Variants in FDFT1 observed in about 807,000 individuals in gnomAD.
FDFT1 encodes the protein squalene synthase.
Under a neutral mutation model 46.8 loss-of-function variants are expected in FDFT1, and 68 were observed. The ratio of observed to expected loss-of-function variants is 1.45; its 90% CI spans 1.19 to 1.78. The LOEUF (loss-of-function observed/expected upper bound fraction) is 1.78, where lower values mean the gene tolerates loss of function less well. FDFT1 is among the 40% of genes most tolerant of loss of function. The pLI, the probability that FDFT1 is intolerant of heterozygous loss-of-function variation, is 0.00. For synonymous variants in FDFT1, 351 were observed against 185.1 expected, an observed-to-expected ratio of 1.90 and a Z score of -7.28; for missense variants, 928 against 524.4, an observed-to-expected ratio of 1.77 and a Z score of -7.52.
intron 7 of FDFT1, 22 bp downstream of exon 7, chr8:11,831,692 T>G: frequency 3.8e-6 from 6 of 1,590,900 alleles, no homozygotes; most frequent in Non-Finnish European, 5.2e-6. Context: ...TTTAACTACT[T>G]GGATAATTTG....
chr8:11,832,593 G>A (rs377158526), intron 7 of FDFT1, among the ~76,000 whole-genome samples: 2 of 119,674 alleles, frequency 1.7e-5, no homozygotes, highest in African/African-American at 2.8e-5. Context: ...GAGACCAGAA[G>A]TCTTTGTAAT....
chr8:11,829,968 C>T (rs1050066493), intron 5 of FDFT1, among the ~76,000 whole-genome samples: 1 of 152,076 alleles, frequency 6.6e-6, no homozygotes, highest in Non-Finnish European at 1.5e-5. Context: ...CTGTCTCACC[C>T]TCCTGAGTAG....
intron 5 of FDFT1, among the ~76,000 whole-genome samples, chr8:11,829,038 G>C (rs1810404362): frequency 6.6e-6 from 1 of 152,134 alleles, no homozygotes; most frequent in Admixed American, 6.5e-5. Flanking sequence ...GGAATTGCTG[G>C]TTCATACAGC....
At chr8:11,819,477 A>T (rs1384271743) in intron 3 of FDFT1, among the ~76,000 whole-genome samples, 1 of 152,184 alleles carries the variant, frequency 6.6e-6, no homozygotes, top group Non-Finnish European at 1.5e-5. Flanking sequence ...TATCACTTTC[A>T]GGTACAACAA....
chr8:11,823,458 A>T (rs969422294), intron 4 of FDFT1, among the ~76,000 whole-genome samples: 8 of 152,154 alleles, frequency 5.3e-5, no homozygotes, highest in Non-Finnish European at 7.3e-5. Flanking sequence ...ACCTAATTTC[A>T]GCAAGATTTC....
At chr8:11,827,619 A>G (rs976936575) in intron 5 of FDFT1, among the ~76,000 whole-genome samples, 1 of 152,186 alleles carries the variant, frequency 6.6e-6, no homozygotes, top group Non-Finnish European at 1.5e-5. Context: ...AGTTAAGAAA[A>G]AGGCCAACTG....
intron 4 of FDFT1, among the ~76,000 whole-genome samples, chr8:11,822,181 A>C (rs1174886507): frequency 1.3e-5 from 2 of 152,222 alleles, no homozygotes. Context: ...TAGGGTTAGG[A>C]GTCTTGCCTA....
chr8:11,821,184 C>G (rs1401806998), intron 3 of FDFT1, among the ~76,000 whole-genome samples: 2 of 152,224 alleles, frequency 1.3e-5, no homozygotes, highest in South Asian at 2.1e-4. Flanking sequence ...TGAAGCATCT[C>G]ATTATACATT....
At chr8:11,802,047 C>A, upstream of FDFT1, 1 of 455,888 alleles carries the variant, frequency 2.2e-6, no homozygotes, top group Admixed American at 2.3e-5. Flanking sequence ...TTCCACATTC[C>A]TGTTACAGGC....
At chr8:11,834,395 CCTCT>C (rs1390368077) in intron 7 of FDFT1, among the ~76,000 whole-genome samples, 1 of 152,210 alleles carries the variant, frequency 6.6e-6, no homozygotes, top group African/African-American at 2.4e-5. Context: ...CCCCCATTCC[CCTCT>C]CTGCCAAAGT....
chr8:11,824,184 C>T (rs891447087), intron 4 of FDFT1, among the ~76,000 whole-genome samples: 1 of 152,134 alleles, frequency 6.6e-6, no homozygotes, highest in African/African-American at 2.4e-5. Context: ...TTCCTAATGA[C>T]ACTCCAGAGC....
chr8:11,803,538 T>A, intron 1 of FDFT1: 1 of 1,162,452 alleles, frequency 8.6e-7, no homozygotes, highest in Non-Finnish European at 1.1e-6. Flanking sequence ...TGGTTTTACT[T>A]AGATTTTTAT....
upstream of FDFT1, chr8:11,802,278 AGAGCTCACCCGGCTGGCAG>A (rs1302330380): frequency 2.6e-6 from 1 of 383,730 alleles, no homozygotes; most frequent in Non-Finnish European, 5.2e-6. Context: ...GAGCGGCTGC[AGAGCTCACCCGGCTGGCAG>A]GAGCCACCGA....
upstream of FDFT1, among the ~76,000 whole-genome samples, chr8:11,800,085 C>T (rs1427906083): frequency 1.3e-5 from 2 of 150,810 alleles, no homozygotes; most frequent in East Asian, 3.9e-4. Context: ...CATGGTGAAA[C>T]CCTGTCTCTA....
chr8:11,804,025 C>T (rs931523140), intron 1 of FDFT1, among the ~76,000 whole-genome samples: 8 of 152,176 alleles, frequency 5.3e-5, no homozygotes, highest in Admixed American at 4.6e-4. Flanking sequence ...TTAGATATAG[C>T]ATTCATTTAT....
At chr8:11,803,212 A>T in intron 1 of FDFT1, 1 of 1,406,550 alleles carries the variant, frequency 7.1e-7, no homozygotes, top group East Asian at 3.2e-5. Flanking sequence ...CTCCGTGAGC[A>T]TCGGCGCTTA....
intron 3 of FDFT1, among the ~76,000 whole-genome samples, chr8:11,813,668 C>G (rs1808040095): frequency 6.6e-6 from 1 of 152,232 alleles, no homozygotes; most frequent in South Asian, 2.1e-4. Context: ...TACTCTTACC[C>G]TCTATGTGGG....
chr8:11,805,142 C>G (rs191964181), intron 1 of FDFT1, among the ~76,000 whole-genome samples: 1 of 151,544 alleles, frequency 6.6e-6, no homozygotes, highest in African/African-American at 2.4e-5. Flanking sequence ...GTCTTGAACT[C>G]CTGAGCTCAA....
chr8:11,817,986 T>C (rs184941144), intron 3 of FDFT1, among the ~76,000 whole-genome samples: 63 of 152,356 alleles, frequency 4.1e-4, no homozygotes, highest in African/African-American at 1.4e-3. Flanking sequence ...CTGCTTTCTC[T>C]TGTGAGCATT....
Sources: allele counts gnomAD v4.1 joint callset (sites outside exome capture counted in the v4.1 genomes callset), GRCh38; gene constraint gnomAD v4.1.1; transcripts MANE v1.5; gene names NCBI Gene and HGNC (gene_info 2026-07-23, HGNC 2026-07-21).